Variants in LCA5L observed in about 807,000 individuals in gnomAD.
The protein encoded by LCA5L is lebercilin LCA5 like.
LCA5L carries 35 observed loss-of-function variants against 45.4 expected under a neutral mutation model. The ratio of observed to expected loss-of-function variants is 0.77; its 90% confidence interval spans 0.59 to 1.02. The LOEUF (loss-of-function observed/expected upper bound fraction) is 1.02, where lower values mean the gene tolerates loss of function less well. Ranked by LOEUF, LCA5L falls within the 50% of genes least tolerant of loss-of-function variation. The probability of loss-of-function intolerance (pLI) is 0.00; values close to 1 mark genes in which losing one functional copy is unlikely to be tolerated. For synonymous variants in LCA5L, 233 were observed against 264.7 expected (o/e 0.88, Z 1.16); for missense variants, 668 against 761.6 (o/e 0.88, Z 1.45).
chr21:39,441,704 G>A (rs2076878103), intron 2 of LCA5L, among the ~76,000 whole-genome samples: 1 of 152,180 alleles, frequency 6.6e-6, no homozygotes, highest in Non-Finnish European at 1.5e-5. Context: ...CCACCAAGTG[G>A]TGGCAAGTGC....
At chr21:39,411,067 A>G (rs1163917052) in intron 8 of LCA5L, 1 of 365,272 alleles carries the variant, frequency 2.7e-6, no homozygotes, top group African/African-American at 2.1e-5. Flanking sequence ...AGTGGCATCA[A>G]TATAGATGAA....
At chr21:39,433,928 T>C (rs949708160) in intron 3 of LCA5L, among the ~76,000 whole-genome samples, 1 of 13,476 alleles carries the variant, frequency 7.4e-5, no homozygotes, top group Non-Finnish European at 1.5e-4. Flanking sequence ...CACATCCAGC[T>C]TTTTTTTTTT....
intron 3 of LCA5L, among the ~76,000 whole-genome samples, chr21:39,434,305 T>C (rs1213049051): frequency 6.6e-6 from 1 of 152,202 alleles, no homozygotes; most frequent in Non-Finnish European, 1.5e-5. Context: ...GTCTGCTAAA[T>C]ACCAGTTTTC....
intron 3 of LCA5L, among the ~76,000 whole-genome samples, chr21:39,430,000 G>A (rs911321568): frequency 6.6e-6 from 1 of 151,932 alleles, no homozygotes; most frequent in South Asian, 2.1e-4. Flanking sequence ...GGGTGACAGG[G>A]CCAACTCTGT....
intron 5 of LCA5L, among the ~76,000 whole-genome samples, chr21:39,426,628 A>G (rs1461121352): frequency 6.6e-6 from 1 of 152,258 alleles, no homozygotes; most frequent in Non-Finnish European, 1.5e-5. Flanking sequence ...AAGTGAAATA[A>G]CTAAAGATCT....
chr21:39,406,184 C>G lies in LCA5L; in HGVS notation c.1711G>C (p.Asp571His). ...NREEMELEHS[D>H]SGYEPSFGKS... is the part of the protein sequence containing the mutation. ...CCAAATGAGGGCTCATACCCACTGT[C>G]AGAATGCTCTAGCTCCATTTCCTCT... Residue 571 changes from aspartate (D) to histidine (H), a missense_variant, in exon 11 of 11, where the codon GAC becomes CAC. Asp to His is a moderately conservative substitution (Grantham distance 81). Transcript: ENST00000288350. 6.2e-7 allele frequency: 1 copy of G among 1,614,246 alleles called. No homozygotes were observed. The highest frequency in any genetic ancestry group is 8.5e-7 in the Non-Finnish European group (1 of 1,180,036).
chr21:39,442,792 G>C (rs1569134687), intron 2 of LCA5L, among the ~76,000 whole-genome samples: 1 of 152,144 alleles, frequency 6.6e-6, no homozygotes, highest in Non-Finnish European at 1.5e-5. Context: ...CTGAACGTAC[G>C]AGTCTAGCTG....
chr21:39,424,202 G>A (rs866520703), intron 5 of LCA5L, among the ~76,000 whole-genome samples: 3 of 151,948 alleles, frequency 2.0e-5, no homozygotes, highest in Non-Finnish European at 2.9e-5. Context: ...TAGTAGAGAC[G>A]GAGTTTCACC....
At chr21:39,423,545 A>G (rs905342209) in intron 5 of LCA5L, 55 bp from the exon 6 acceptor site, 4 of 1,398,530 alleles carry the variant, frequency 2.9e-6, no homozygotes, top group Non-Finnish European at 2.9e-6. Context: ...ATATGCAAAT[A>G]TGCACATATG....
In LCA5L at chr21:39,423,106, A is replaced by G. The variant is rs148944722; in HGVS notation, c.707T>C (p.Leu236Pro). Reference protein sequence around the residue: ...RKLRETDSQLLKTKDILQALQ... With the variant: ...RKLRETDSQLPKTKDILQALQ... ...TGCCTGCAAGATATCTTTAGTCTTC[A>G]GTAACTGGCTGTCAGTTTCTCTAAG... The change falls in exon 6 of 11, where the codon CTG (leucine) becomes CCG (proline). Residue 236 changes from leucine (L) to proline (P), a missense_variant. Physicochemically the swap from Leu to Pro is moderately conservative, Grantham distance 98. Coordinates refer to ENST00000288350, the MANE Select transcript of LCA5L (RefSeq NM_152505.4). The G allele has an allele frequency of 5.6e-6, 9 of 1,613,890 alleles. No homozygotes were observed. The highest frequency in any genetic ancestry group is 3.3e-5 in the Admixed American group (2 of 59,996).
intron 3 of LCA5L, among the ~76,000 whole-genome samples, chr21:39,433,801 A>G (rs958138216): frequency 4.0e-5 from 5 of 125,416 alleles, no homozygotes; most frequent in South Asian, 4.9e-4. Flanking sequence ...GTCTTCTTCT[A>G]TTGCCCAGGC....
intron 3 of LCA5L, among the ~76,000 whole-genome samples, chr21:39,432,339 T>C (rs2075818925): frequency 6.6e-6 from 1 of 152,176 alleles, no homozygotes; most frequent in South Asian, 2.1e-4. Flanking sequence ...TAAGAAAAAC[T>C]GGGACCAGAT....
At chr21:39,406,675 G>T in intron 10 of LCA5L, 63 bp from the exon 11 acceptor site, 1 of 1,311,990 alleles carries the variant, frequency 7.6e-7, no homozygotes, top group Non-Finnish European at 1.1e-6. Context: ...TTTCAAGATG[G>T]CATGTCTAGT....
intron 7 of LCA5L, among the ~76,000 whole-genome samples, chr21:39,415,214 C>G (rs1175490518): frequency 2.0e-5 from 3 of 152,118 alleles, no homozygotes; most frequent in African/African-American, 4.8e-5. Flanking sequence ...TTAAAAATAA[C>G]ATTTTCTGTC....
chr21:39,429,689 G>A (rs1291918751), intron 3 of LCA5L, among the ~76,000 whole-genome samples: 1 of 152,112 alleles, frequency 6.6e-6, no homozygotes, highest in East Asian at 1.9e-4. Flanking sequence ...GTGGGCAGAA[G>A]CAGATCCTTA....
At chr21:39,430,995 G>GT (rs1249822842) in intron 3 of LCA5L, among the ~76,000 whole-genome samples, 1 of 151,972 alleles carries the variant, frequency 6.6e-6, no homozygotes, top group Non-Finnish European at 1.5e-5. Flanking sequence ...TAGTCTCTTA[G>GT]TTTAATAAAA....
At chr21:39,408,969 A>T (rs2039589976) in intron 10 of LCA5L, among the ~76,000 whole-genome samples, 1 of 152,240 alleles carries the variant, frequency 6.6e-6, no homozygotes, top group South Asian at 2.1e-4. Flanking sequence ...ATATTATTTA[A>T]GGATACTATT....
At chr21:39,408,220 T>TA (rs2039446081) in intron 10 of LCA5L, among the ~76,000 whole-genome samples, 1 of 152,198 alleles carries the variant, frequency 6.6e-6, no homozygotes, top group African/African-American at 2.4e-5. Context: ...ACCCTCAACC[T>TA]AGAGTTTCCT....
At position 39,423,117 on chromosome 21, in the gene LCA5L, G is replaced by C; in HGVS notation, c.696C>G (p.Asp232Glu). The change falls in exon 6 of 11, where the codon GAC (aspartate) becomes GAG (glutamate). Residue 232 changes from aspartate to glutamate, a missense_variant. Coordinates refer to ENST00000288350, the MANE Select transcript of LCA5L (RefSeq NM_152505.4). ...RTLSRKLRET[D>E]SQLLKTKDIL... Reference sequence around the variant, plus strand: ...TATCTTTAGTCTTCAGTAACTGGCTGTCAGTTTCTCTAAGTTTCCTAGATA... The same window carrying C: ...TATCTTTAGTCTTCAGTAACTGGCTCTCAGTTTCTCTAAGTTTCCTAGATA... The C allele has an allele frequency of 6.2e-7, 1 of 1,613,970 alleles. No individual in the cohort carries two copies. The highest frequency in any genetic ancestry group is 1.7e-5 in the Admixed American group (1 of 59,972).
Sources: allele counts gnomAD v4.1 joint callset (sites outside exome capture counted in the v4.1 genomes callset), GRCh38; gene constraint gnomAD v4.1.1; transcripts MANE v1.5; gene names NCBI Gene and HGNC (gene_info 2026-07-23, HGNC 2026-07-21).